Variants in CHN1 observed in about 807,000 individuals in gnomAD.
CHN1 encodes the protein chimerin 1.
Under a neutral mutation model 59.5 loss-of-function variants are expected in CHN1, and 37 were observed. The observed-to-expected ratio is 0.62, with a 90% CI of 0.48 to 0.82. The LOEUF (loss-of-function observed/expected upper bound fraction) is 0.82. Among genes scored for constraint, CHN1 ranks in the 40% least tolerant of loss-of-function variants. CHN1 has a pLI of 0.00. For missense variants in CHN1, 469 were observed against 571.0 expected, an observed-to-expected ratio of 0.82 and a Z score of 1.82; for synonymous variants, 206 against 200.4, an observed-to-expected ratio of 1.03 and a Z score of -0.24.
chr2:174,956,855 T>G (rs1690221839), intron 1 of CHN1, among the ~76,000 whole-genome samples: 1 of 152,150 alleles, frequency 6.6e-6, no homozygotes, highest in African/African-American at 2.4e-5. Flanking sequence ...GAGTCATTTC[T>G]TATTATTCAC....
chr2:174,864,996 T>C (rs1295885475), intron 6 of CHN1, among the ~76,000 whole-genome samples: 1 of 152,200 alleles, frequency 6.6e-6, no homozygotes, highest in Non-Finnish European at 1.5e-5. Flanking sequence ...GGAACAAGAT[T>C]ATTTGAATTT....
chr2:174,919,076 A>C (rs1688928329), intron 3 of CHN1, among the ~76,000 whole-genome samples: 1 of 152,152 alleles, frequency 6.6e-6, no homozygotes, highest in South Asian at 2.1e-4. Flanking sequence ...CAGCAAGATA[A>C]ATGCCCAGGA....
At chr2:174,982,266 A>G (rs1223201324) in intron 1 of CHN1, among the ~76,000 whole-genome samples, 1 of 152,176 alleles carries the variant, frequency 6.6e-6, no homozygotes, top group African/African-American at 2.4e-5. Flanking sequence ...ATACATGTGC[A>G]TGTGTCTTTA....
intron 7 of CHN1, among the ~76,000 whole-genome samples, chr2:174,834,598 T>G (rs575163499): frequency 6.6e-6 from 1 of 152,212 alleles, no homozygotes; most frequent in South Asian, 2.1e-4. Context: ...TTGTCTTGCA[T>G]AGTTTTTGAT....
chr2:175,001,649 T>C lies in CHN1; in HGVS notation c.19+3245A>G, dbSNP rs563666699. 5.3e-5 allele frequency among the ~76,000 whole-genome samples: 8 copies of C among 152,338 alleles called. No homozygotes were observed. In the East Asian group the frequency reaches 1.5e-3, roughly 29 times the overall value. ...TGAGCAGCAACGCCAGAGGTGACTC[T>C]ACCCAGATAGAGGACCATTATTCAA... On this transcript the variant is annotated intron_variant, in intron 1 of 12. Coordinates refer to ENST00000409900, the MANE Select transcript of CHN1 (RefSeq NM_001822.7).
intron 6 of CHN1, chr2:174,847,473 A>G (rs888949075): frequency 2.0e-4 from 233 of 1,178,742 alleles, no homozygotes; most frequent in Non-Finnish European, 2.4e-4. Context: ...CAATTTTGAC[A>G]AATGATACAT....
intron 2 of CHN1, among the ~76,000 whole-genome samples, chr2:174,950,564 A>G (rs1472793072): frequency 6.6e-6 from 1 of 152,048 alleles, no homozygotes; most frequent in Non-Finnish European, 1.5e-5. Context: ...AAAACAAATG[A>G]TAGCTACTGC....
intron 5 of CHN1, among the ~76,000 whole-genome samples, chr2:174,913,424 TA>T (rs1235002300): frequency 6.6e-6 from 1 of 152,076 alleles, no homozygotes; most frequent in Non-Finnish European, 1.5e-5. Flanking sequence ...ATGTTAGGAG[TA>T]GAAAGATGAA....
At chr2:174,808,130 G>A (rs1379847117) in intron 11 of CHN1, among the ~76,000 whole-genome samples, 1 of 152,176 alleles carries the variant, frequency 6.6e-6, no homozygotes, top group Admixed American at 6.5e-5. Flanking sequence ...GCTTTTTAAA[G>A]TACAATGTGT....
intron 7 of CHN1, among the ~76,000 whole-genome samples, chr2:174,842,680 A>G (rs1013303640): frequency 2.0e-5 from 3 of 152,224 alleles, no homozygotes; most frequent in Non-Finnish European, 4.4e-5. Context: ...AGTGTCGGCC[A>G]CTGCCGCCCT....
chr2:174,912,556 G>A (rs1468402903), intron 5 of CHN1, among the ~76,000 whole-genome samples: 7 of 152,126 alleles, frequency 4.6e-5, no homozygotes, highest in African/African-American at 1.7e-4. Context: ...CACAGTAAAT[G>A]CATAAATAAC....
At chr2:174,940,242 T>C (rs767488782) in intron 3 of CHN1, among the ~76,000 whole-genome samples, 6 of 152,134 alleles carry the variant, frequency 3.9e-5, no homozygotes, top group Non-Finnish European at 8.8e-5. Flanking sequence ...TTGGCCAGGC[T>C]AGTCTTGATC....
intron 3 of CHN1, among the ~76,000 whole-genome samples, chr2:174,941,734 A>T (rs996144794): frequency 1.0e-4 from 15 of 150,694 alleles, no homozygotes; most frequent in Non-Finnish European, 2.2e-4. Context: ...AAAATAAACT[A>T]TTTTTTTTTC....
chr2:174,827,929 C>T (rs1352611015), intron 7 of CHN1, among the ~76,000 whole-genome samples: 1 of 152,074 alleles, frequency 6.6e-6, no homozygotes, highest in Admixed American at 6.6e-5. Flanking sequence ...AAGGGGAAGG[C>T]TGACTCATAA....
chr2:174,930,195 G>A (rs1387917477), intron 3 of CHN1, among the ~76,000 whole-genome samples: 1 of 152,180 alleles, frequency 6.6e-6, no homozygotes, highest in African/African-American at 2.4e-5. Flanking sequence ...CCACTTTCTA[G>A]GAGAGCCCTG....
At chr2:174,927,714 T>C (rs889713401) in intron 3 of CHN1, among the ~76,000 whole-genome samples, 1 of 152,240 alleles carries the variant, frequency 6.6e-6, no homozygotes, top group Non-Finnish European at 1.5e-5. Context: ...CAAAAATGTT[T>C]AACGTTGTTC....
At chr2:174,952,557 T>C (rs924073856) in intron 1 of CHN1, among the ~76,000 whole-genome samples, 5 of 152,246 alleles carry the variant, frequency 3.3e-5, no homozygotes. Flanking sequence ...CCTAAAATTA[T>C]TGAATTTTTC....
At chr2:174,803,312 A>C (rs1684786970) in intron 11 of CHN1, among the ~76,000 whole-genome samples, 1 of 152,220 alleles carries the variant, frequency 6.6e-6, no homozygotes, top group African/African-American at 2.4e-5. Context: ...CAATGACTGA[A>C]GCTTTTTAAT....
At chr2:174,818,999 T>G (rs1334983368) in intron 8 of CHN1, among the ~76,000 whole-genome samples, 1 of 152,170 alleles carries the variant, frequency 6.6e-6, no homozygotes, top group Non-Finnish European at 1.5e-5. Context: ...TAAAAACTTG[T>G]TTTGAAACAT....
Sources: allele counts gnomAD v4.1 joint callset (sites outside exome capture counted in the v4.1 genomes callset), GRCh38; gene constraint gnomAD v4.1.1; transcripts MANE v1.5; gene names NCBI Gene and HGNC (gene_info 2026-07-23, HGNC 2026-07-21).